Variants in RFX4 observed in about 807,000 individuals in gnomAD.
RFX4 encodes transcription factor RFX4.
In RFX4, 10 loss-of-function variants were observed where a neutral mutation model predicts 95.0. That is an observed-to-expected ratio of 0.11 (90% CI 0.06 to 0.18). RFX4 has a LOEUF of 0.18. RFX4 is among the 10% of genes least tolerant of loss of function. The pLI, the probability that RFX4 is intolerant of heterozygous loss-of-function variation, is 1.00. For missense variants in RFX4, 640 were observed against 922.0 expected (o/e 0.69, Z 3.96); for synonymous variants, 321 against 340.7 (o/e 0.94, Z 0.64).
chr12:106,647,425 C>T (rs750736009), intron 3 of RFX4, among the ~76,000 whole-genome samples: 4 of 152,154 alleles, frequency 2.6e-5, no homozygotes, highest in Non-Finnish European at 5.9e-5. Context: ...CCAATATGAA[C>T]ATCCCTAGCG....
At chr12:106,606,515 G>A (rs1297622947) in intron 1 of RFX4, among the ~76,000 whole-genome samples, 1 of 152,214 alleles carries the variant, frequency 6.6e-6, no homozygotes, top group East Asian at 1.9e-4. Flanking sequence ...TGTGTAACCA[G>A]ATGTGCGTTT....
chr12:106,761,340 G>A lies in RFX4; in HGVS notation c.2079G>A (p.Ala693=), dbSNP rs758058471. 2.4e-5 allele frequency: 38 copies of A among 1,613,972 alleles called. 1 individual carries two copies. In the South Asian group the frequency reaches 2.7e-4, roughly 12 times the overall value. ...TCYTSPSVHS[A]RYGNSSDMYT... is the part of the protein sequence containing the mutation. Reference sequence around the variant, plus strand: ...ACACAAGCCCGTCTGTGCATTCTGCGAGGTACGGAAACTCTAGTGACATGT... The same window carrying A: ...ACACAAGCCCGTCTGTGCATTCTGCAAGGTACGGAAACTCTAGTGACATGT... Residue 693 remains alanine (A), a synonymous_variant, in exon 18 of 18, where the codon GCG becomes GCA. Transcript: ENST00000392842.
intron 2 of RFX4, among the ~76,000 whole-genome samples, chr12:106,619,143 A>G (rs999518225): frequency 3.3e-5 from 5 of 150,692 alleles, no homozygotes; most frequent in Admixed American, 3.3e-4. Flanking sequence ...AGCAGTTAAT[A>G]TTTATTTTTA....
intron 6 of RFX4, among the ~76,000 whole-genome samples, chr12:106,687,757 A>C (rs1188052446): frequency 6.6e-6 from 1 of 152,102 alleles, no homozygotes; most frequent in Non-Finnish European, 1.5e-5. Context: ...TTGCTCTGTC[A>C]ATCTCTATCA....
chr12:106,613,056 A>G (rs2039994812), intron 2 of RFX4, among the ~76,000 whole-genome samples: 2 of 151,816 alleles, frequency 1.3e-5, no homozygotes, highest in African/African-American at 4.8e-5. Flanking sequence ...TTGTTTTTTT[A>G]TATATGACCT....
chr12:106,672,633 C>T (rs146307289), intron 4 of RFX4, among the ~76,000 whole-genome samples: 621 of 152,208 alleles, frequency 4.1e-3, no homozygotes, highest in Non-Finnish European at 6.7e-3. Context: ...GCAGCCTGAG[C>T]GGGGCTGAAC....
chr12:106,746,673 T>C (rs889488292), intron 15 of RFX4, among the ~76,000 whole-genome samples: 2 of 152,234 alleles, frequency 1.3e-5, no homozygotes, highest in Non-Finnish European at 2.9e-5. Context: ...TTGTATGGAA[T>C]AGGTCACTGT....
chr12:106,656,038 C>A (rs555897618), intron 4 of RFX4, among the ~76,000 whole-genome samples: 1 of 152,250 alleles, frequency 6.6e-6, no homozygotes, highest in African/African-American at 2.4e-5. Flanking sequence ...ACTTTTGTAA[C>A]CCTATTAGCT....
At chr12:106,671,524 A>G (rs937090409) in intron 4 of RFX4, among the ~76,000 whole-genome samples, 5 of 152,106 alleles carry the variant, frequency 3.3e-5, no homozygotes, top group African/African-American at 1.2e-4. Flanking sequence ...TGACAGGTAG[A>G]AGAATCAGAT....
intron 4 of RFX4, among the ~76,000 whole-genome samples, chr12:106,674,826 G>A (rs1295619670): frequency 6.6e-6 from 1 of 152,162 alleles, no homozygotes; most frequent in African/African-American, 2.4e-5. Flanking sequence ...CCTGTAGCAT[G>A]AGCTCAGTGG....
At chr12:106,760,119 G>A (rs1179896363) in intron 17 of RFX4, among the ~76,000 whole-genome samples, 4 of 152,138 alleles carry the variant, frequency 2.6e-5, no homozygotes, top group South Asian at 2.1e-4. Context: ...CAACTGTCAG[G>A]GAAGACAGAT....
chr12:106,642,934 C>T (rs2040662175), intron 3 of RFX4, among the ~76,000 whole-genome samples: 1 of 152,166 alleles, frequency 6.6e-6, no homozygotes, highest in Admixed American at 6.5e-5. Context: ...CGCCCAGCCT[C>T]CACGCCCATA....
At chr12:106,607,780 TG>T in intron 1 of RFX4, among the ~76,000 whole-genome samples, 1 of 151,976 alleles carries the variant, frequency 6.6e-6, no homozygotes, top group African/African-American at 2.4e-5. Context: ...AATGAATGAA[TG>T]AATGAATGGT....
chr12:106,597,007 A>G (rs2039629846), intron 1 of RFX4, among the ~76,000 whole-genome samples: 1 of 152,208 alleles, frequency 6.6e-6, no homozygotes, highest in Non-Finnish European at 1.5e-5. Context: ...TGTACCTGAT[A>G]AATTACAGAT....
intron 15 of RFX4, among the ~76,000 whole-genome samples, chr12:106,742,390 C>T (rs905079251): frequency 6.6e-6 from 1 of 152,142 alleles, no homozygotes; most frequent in Non-Finnish European, 1.5e-5. Context: ...ACCATGTTGC[C>T]TAGGCTGGTC....
intron 13 of RFX4, among the ~76,000 whole-genome samples, chr12:106,723,543 G>A (rs150181827): frequency 0.011 from 1,704 of 152,262 alleles, 21 homozygotes; most frequent in Non-Finnish European, 0.018. Context: ...CAGCTGAGGG[G>A]CACAATTGCA....
chr12:106,633,490 C>A (rs1240246708), intron 2 of RFX4, among the ~76,000 whole-genome samples: 1 of 152,158 alleles, frequency 6.6e-6, no homozygotes, highest in Non-Finnish European at 1.5e-5. Context: ...CCAATGAATG[C>A]TATTATTAGT....
chr12:106,601,023 C>T (rs144845027), intron 1 of RFX4: 11,205 of 788,032 alleles, frequency 0.014, 130 homozygotes, highest in Admixed American at 0.023. Flanking sequence ...TGCTCAGAGC[C>T]TGTCAAACAG....
Position 106,623,180 on chromosome 12 carries a change from A to G in RFX4, c.130+14297A>G, listed in dbSNP as rs566848331. 1.7e-4 allele frequency among the ~76,000 whole-genome samples: 26 copies of G among 151,006 alleles called. 1 individual carries two copies. In the South Asian group the frequency reaches 5.3e-3, roughly 31 times the overall value. On this transcript the variant is annotated intron_variant, in intron 2 of 17. Transcript: ENST00000392842. Reference sequence around the variant, plus strand: ...CAGCCTCCCGAGTAGCTGGGACTACAGGCGCCCACCACTGCACCTGGCTAA... The same window carrying G: ...CAGCCTCCCGAGTAGCTGGGACTACGGGCGCCCACCACTGCACCTGGCTAA...
Sources: gnomAD v4.1 joint callset for allele counts (sites outside exome capture counted in the v4.1 genomes callset) on GRCh38, gnomAD v4.1.1 for gene constraint, MANE v1.5 for transcripts, NCBI Gene and HGNC (gene_info 2026-07-23, HGNC 2026-07-21) for gene names.